GDNF: variants seen among roughly 807,000 people sequenced by gnomAD.
GDNF encodes the protein glial cell line-derived neurotrophic factor.
Under a neutral mutation model 13.7 loss-of-function variants are expected in GDNF, and 5 were observed. The ratio of observed to expected loss-of-function variants is 0.36; its 90% CI spans 0.19 to 0.77. The LOEUF is 0.77. Among genes scored for constraint, GDNF ranks in the 30% least tolerant of loss-of-function variants. The pLI is 0.51. For synonymous variants in GDNF, 122 were observed against 112.5 expected, an observed-to-expected ratio of 1.08 and a Z score of -0.53; for missense variants, 246 against 274.3, an observed-to-expected ratio of 0.90 and a Z score of 0.73.
In GDNF at chr5:37,814,513, A is replaced by G. The variant is rs866219669; in HGVS notation, c.*1138T>C. The G allele has an allele frequency of 6.6e-6, 1 of 152,202 alleles. No homozygotes were observed. The highest frequency in any genetic ancestry group is 2.4e-5 in the African/African-American group (1 of 41,448). The allele number at this position is 152,202 out of a possible 1,614,324, so 9.4% of individuals were successfully genotyped here. ...TAAAGTAAGTGATTTTTGCCTGGCA[A>G]AAAACTTTTTAATACTTTGAAAAGC... On this transcript the variant is annotated 3_prime_UTR_variant, in exon 3 of 3. Transcript: ENST00000326524.
chr5:37,828,573 C>T (rs1471637128), intron 2 of GDNF, among the ~76,000 whole-genome samples: 1 of 152,204 alleles, frequency 6.6e-6, no homozygotes, highest in African/African-American at 2.4e-5. Context: ...CTAATATGCA[C>T]ACACAGTCTG....
At chr5:37,828,691 T>C (rs1750417173) in intron 2 of GDNF, among the ~76,000 whole-genome samples, 1 of 152,214 alleles carries the variant, frequency 6.6e-6, no homozygotes, top group African/African-American at 2.4e-5. Context: ...GTCTCCTTTC[T>C]TCACCTGTAA....
At chr5:37,829,538 A>G (rs1265067334) in intron 2 of GDNF, among the ~76,000 whole-genome samples, 3 of 152,252 alleles carry the variant, frequency 2.0e-5, no homozygotes, top group Non-Finnish European at 4.4e-5. Flanking sequence ...TTGAGGCCGC[A>G]TGGCACCCAG....
rs1394296480 is a variant in GDNF, at chr5:37,814,644, A to G, written c.*1007T>C. The G allele has an allele frequency of 2.0e-5, 3 of 152,258 alleles. No homozygotes were observed. Among genetic ancestry groups the G allele is most frequent in the African/African-American group, 7.2e-5 (3 of 41,474 alleles). The allele number at this position is 152,258 out of a possible 1,614,324, so 9.4% of individuals were successfully genotyped here. On this transcript the variant is annotated 3_prime_UTR_variant, in exon 3 of 3. Transcript: ENST00000326524. ...AAAAGAAACTTTAATAAATAAGGGA[A>G]AAAAGAGAAATTCATTAGTGAACGG...
rs1750751720 is a variant in GDNF at position 37,837,540 on chromosome 5, G to A, written c.-27+1967C>T. The stretch of plus-strand genomic sequence containing the variant: ...CGCAGAAGCAGCCGCTCGCCGCGAG[G>A]CACTTCTGAGTTCCCGGCAGCAGGG... On this transcript the variant is annotated intron_variant, in intron 1 of 2. Coordinates refer to ENST00000326524, the MANE Select transcript of GDNF (RefSeq NM_000514.4). This position sits in a 1 kb window ranked among gnomAD's most constrained non-coding sequence, Gnocchi z 6.5. Among the ~76,000 whole-genome samples, 1 of 152,160 alleles carries A rather than the reference G, an allele frequency of 6.6e-6. No individual in the cohort carries two copies. The highest frequency in any genetic ancestry group is 2.4e-5 in the African/African-American group (1 of 41,456).
rs1352231897 is a variant in GDNF at position 37,813,890 on chromosome 5, C to T, written c.*1761G>A. On this transcript the variant is annotated 3_prime_UTR_variant, in exon 3 of 3. Coordinates refer to ENST00000326524, the MANE Select transcript of GDNF (RefSeq NM_000514.4). ...ACCACCTTCATTTAAAGGCAGCACG[C>T]TCCTAAGTATGAGGCTCCATGTGTG... 1 of 152,986 alleles carries T rather than the reference C, an allele frequency of 6.5e-6. No homozygotes were observed. Among genetic ancestry groups the T allele is most frequent in the Non-Finnish European group, 1.5e-5 (1 of 68,332 alleles). The allele number at this position is 152,986 out of a possible 1,614,324, so 9.5% of individuals were successfully genotyped here. A position where few individuals can be genotyped will look rare whatever the true frequency, so the allele number is the denominator to read the frequency against.
intron 2 of GDNF, among the ~76,000 whole-genome samples, chr5:37,825,978 C>A (rs1185833392): frequency 6.6e-6 from 1 of 152,202 alleles, no homozygotes; most frequent in Non-Finnish European, 1.5e-5. Context: ...TCTAAAACAA[C>A]TTTACCTGCC....
rs1026876170 is a variant in GDNF, at chr5:37,814,173, A to G, written c.*1478T>C. 1 of 152,690 alleles carries G rather than the reference A, an allele frequency of 6.5e-6. No individual in the cohort carries two copies. The highest frequency in any genetic ancestry group is 1.5e-5 in the Non-Finnish European group (1 of 68,096). The allele number at this position is 152,690 out of a possible 1,614,324, so 9.5% of individuals were successfully genotyped here. A position where few individuals can be genotyped will look rare whatever the true frequency, so the allele number is the denominator to read the frequency against. ...GAGTCGGTAGAACGGCAGCTACCTG[A>G]CAGCATTGTCGACATTACTTTTAGG... is the stretch of plus-strand genomic sequence containing the variant. On this transcript the variant is annotated 3_prime_UTR_variant, in exon 3 of 3. Coordinates refer to ENST00000326524, the MANE Select transcript of GDNF (RefSeq NM_000514.4).
intron 2 of GDNF, among the ~76,000 whole-genome samples, chr5:37,829,758 A>G (rs1471687896): frequency 6.6e-6 from 1 of 152,244 alleles, no homozygotes; most frequent in Non-Finnish European, 1.5e-5. Flanking sequence ...GCCCTGGGTC[A>G]GCCTAAGGTC....
At chr5:37,832,008 A>G (rs1417404987) in intron 2 of GDNF, among the ~76,000 whole-genome samples, 1 of 152,184 alleles carries the variant, frequency 6.6e-6, no homozygotes, top group Non-Finnish European at 1.5e-5. Context: ...TATGAATTCC[A>G]TTTGGTTATC....
intron 2 of GDNF, among the ~76,000 whole-genome samples, chr5:37,819,040 G>T (rs1472128142): frequency 6.6e-6 from 1 of 152,190 alleles, no homozygotes; most frequent in Non-Finnish European, 1.5e-5. Flanking sequence ...CCAAGAGGCA[G>T]GAACTCTGTC....
Position 37,815,678 on chromosome 5 carries a change from A to G in GDNF, c.609T>C (p.His203=). 6.2e-7 allele frequency: 1 copy of G among 1,610,900 alleles called. No individual in the cohort carries two copies. The highest frequency in any genetic ancestry group is 8.5e-7 in the Non-Finnish European group (1 of 1,177,612). Reference sequence around the variant, plus strand: ...AGATACATCCACACCTTTTAGCGGAATGCTTTCTTAGAATATGGTAAACCA... The same window carrying G: ...AGATACATCCACACCTTTTAGCGGAGTGCTTTCTTAGAATATGGTAAACCA... The part of the protein sequence containing the change: ...DNLVYHILRK[H]SAKRCGCI The change falls in exon 3 of 3, where the codon CAT becomes CAC. Residue 203 remains histidine, a synonymous_variant. Transcript: ENST00000326524. This position sits in a 1 kb window ranked among gnomAD's most constrained non-coding sequence, Gnocchi z 5.0.
At chr5:37,816,340 A>G (rs1749929890) in intron 2 of GDNF, among the ~76,000 whole-genome samples, 1 of 152,216 alleles carries the variant, frequency 6.6e-6, no homozygotes, top group Non-Finnish European at 1.5e-5. Flanking sequence ...AGAGGAGACT[A>G]ATGTGGTGGT....
chr5:37,817,296 G>A (rs1336729324), intron 2 of GDNF, among the ~76,000 whole-genome samples: 10 of 152,120 alleles, frequency 6.6e-5, no homozygotes, highest in Non-Finnish European at 2.9e-5. Context: ...ATTTCTAAAC[G>A]GGGGGAAAAA....
In GDNF at chr5:37,813,777, G is replaced by A. The variant is rs1468605712; in HGVS notation, c.*1874C>T. ...AGGGTCTCCCTATGTTGCCCAAGCT[G>A]GTCTCAAACTCCTGGGTTCAAGAGA... On this transcript the variant is annotated 3_prime_UTR_variant, in exon 3 of 3. Coordinates refer to ENST00000326524, the MANE Select transcript of GDNF (RefSeq NM_000514.4). 6.5e-6 allele frequency: 1 copy of A among 152,748 alleles called. No homozygotes were observed. The highest frequency in any genetic ancestry group is 2.4e-5 in the African/African-American group (1 of 41,370). The allele number at this position is 152,748 out of a possible 1,614,324, so 9.5% of individuals were successfully genotyped here.
Position 37,815,569 on chromosome 5 carries a change from G to A in GDNF, c.*82C>T. ...CTCCTTGGTCCTCATCTTCCATTCT[G>A]GGCAAACATTTCCTGGGAACCTTGG... On this transcript the variant is annotated 3_prime_UTR_variant, in exon 3 of 3. Transcript: ENST00000326524. This position sits in a 1 kb window ranked among gnomAD's most constrained non-coding sequence, Gnocchi z 5.0. The A allele has an allele frequency of 7.6e-7, 1 of 1,315,764 alleles. No homozygotes were observed. Among genetic ancestry groups the A allele is most frequent in the Non-Finnish European group, 1.1e-6 (1 of 913,792 alleles). The allele number at this position is 1,315,764 out of a possible 1,614,324, so 81.5% of individuals were successfully genotyped here. A position where few individuals can be genotyped will look rare whatever the true frequency, so the allele number is the denominator to read the frequency against.
intron 2 of GDNF, among the ~76,000 whole-genome samples, chr5:37,825,138 G>A (rs1199483365): frequency 6.6e-6 from 1 of 152,140 alleles, no homozygotes; most frequent in Non-Finnish European, 1.5e-5. Flanking sequence ...GCACATACTA[G>A]TTGTACTATA....
intron 2 of GDNF, among the ~76,000 whole-genome samples, chr5:37,825,593 A>G (rs1210070884): frequency 1.3e-5 from 2 of 152,194 alleles, no homozygotes; most frequent in East Asian, 3.9e-4. Context: ...TTAAGTGCAC[A>G]AAAAGCCACT....
rs1280098604 is a variant in GDNF, at chr5:37,834,835, G to GC, written c.-26-14dup. The GC allele has an allele frequency of 6.2e-7, 1 of 1,611,664 alleles. No homozygotes were observed. Among genetic ancestry groups the GC allele is most frequent in the Non-Finnish European group, 8.5e-7 (1 of 1,178,750 alleles). On this transcript the variant is annotated splice_polypyrimidine_tract_variant and intron_variant, in intron 1 of 2. Transcript: ENST00000326524. ...CCGGCGGCGGCACCTGCGCGGGCAG[G>GC]CGGGAGGTGGGGGAGAGAACCGCAG...
Sources: allele counts gnomAD v4.1 joint callset (sites outside exome capture counted in the v4.1 genomes callset), GRCh38; gene constraint gnomAD v4.1.1; non-coding constraint Gnocchi (gnomAD v3.1); transcripts MANE v1.5; gene names NCBI Gene and HGNC (gene_info 2026-07-23, HGNC 2026-07-21).